The following ENKD1 variants were observed in gnomAD, a reference collection of about 807,000 sequenced individuals.
The protein encoded by ENKD1 is enkurin domain containing 1.
A neutral mutation model predicts 35.8 loss-of-function variants in ENKD1; 39 were observed. The observed-to-expected ratio is 1.09, with a 90% confidence interval of 0.84 to 1.42. The LOEUF is 1.42. Among genes scored for constraint, ENKD1 ranks in the 40% most tolerant of loss-of-function variants. The probability of loss-of-function intolerance (pLI) is 0.00; values close to 1 mark genes in which losing one functional copy is unlikely to be tolerated. For synonymous variants in ENKD1, 205 were observed against 198.6 expected, an observed-to-expected ratio of 1.03 and a Z score of -0.27; for missense variants, 474 against 471.3, an observed-to-expected ratio of 1.01 and a Z score of -0.05.
rs765080111 is a variant in ENKD1, at chr16:67,666,427, A to G, written c.16T>C (p.Ser6Pro). 4.0e-5 allele frequency: 62 copies of G among 1,539,734 alleles called. No individual in the cohort carries two copies. Among genetic ancestry groups the G allele is most frequent in the South Asian group, 3.1e-4 (26 of 84,396 alleles). Residue 6 changes from serine (S) to proline (P), a missense_variant, in exon 1 of 7, where the codon TCC becomes CCC. Transcript: ENST00000243878. MCEGP[S>P]RISGPIPPDP... The stretch of plus-strand genomic sequence containing the variant: ...GGGGGGATGGGCCCCGAGATGCGGG[A>G]CGGGCCCTCGCACATGCCGCCGGCG...
At chr16:67,664,530 A>C in intron 3 of ENKD1, 1 of 331,722 alleles carries the variant, frequency 3.0e-6, no homozygotes, top group Non-Finnish European at 5.8e-6. Flanking sequence ...CATTTGTGTG[A>C]CCTTGCCTTT....
At chr16:67,665,270 G>A in intron 2 of ENKD1, 102 bp from the exon 3 acceptor site, 1 of 1,370,234 alleles carries the variant, frequency 7.3e-7, no homozygotes, top group South Asian at 1.4e-5. Flanking sequence ...TACAGAAAGA[G>A]CTCCCTGACC....
Position 67,663,191 on chromosome 16 carries a change from C to T in ENKD1, c.1011G>A (p.Arg337=), listed in dbSNP as rs779581984. Residue 337 remains arginine, a synonymous_variant, in exon 7 of 7, where the codon CGG becomes CGA. Transcript: ENST00000243878. ...QVEEAIKIFS[R]PKVFVKMDD The stretch of plus-strand genomic sequence containing the variant: ...CGTCCATCTTCACGAAGACTTTGGG[C>T]CGAGAAAAGATCTTGATGGCCTCCT... The T allele has an allele frequency of 1.9e-6, 3 of 1,614,066 alleles. No homozygotes were observed. The highest frequency in any genetic ancestry group is 2.5e-6 in the Non-Finnish European group (3 of 1,180,032).
At chr16:67,665,317 C>T in intron 2 of ENKD1, 149 bp from the exon 3 acceptor site, 1 of 670,532 alleles carries the variant, frequency 1.5e-6, no homozygotes, top group Non-Finnish European at 2.4e-6. Context: ...CACTCTCCCT[C>T]ATCACCGTGT....
In ENKD1 at chr16:67,663,468, G is replaced by A. The variant is rs750759275; in HGVS notation, c.832C>T (p.Arg278Cys). 1.9e-5 allele frequency: 31 copies of A among 1,613,290 alleles called. No homozygotes were observed. Among genetic ancestry groups the A allele is most frequent in the Non-Finnish European group, 2.6e-5 (31 of 1,179,934 alleles). Residue 278 changes from arginine (R) to cysteine (C), a missense_variant, in exon 6 of 7, where the codon CGC (arginine) becomes TGC (cysteine). Physicochemically the swap from Arg to Cys is radical, Grantham distance 180. Transcript: ENST00000243878. ...PDPAMPPGHT[R>C]MPENQRLETL... ...TCCAGCCGCTGGTTCTCAGGCATGCGCGTGTGGCCTGGGGGCATGGCAGGG... is the reference window on the plus strand; with the variant it reads ...TCCAGCCGCTGGTTCTCAGGCATGCACGTGTGGCCTGGGGGCATGGCAGGG...
In ENKD1 at chr16:67,665,146, C is replaced by T; in HGVS notation, c.303G>A (p.Glu101=). 6.2e-7 allele frequency: 1 copy of T among 1,613,802 alleles called. No individual in the cohort carries two copies. The highest frequency in any genetic ancestry group is 8.5e-7 in the Non-Finnish European group (1 of 1,179,916). ...SLKRKDPKDH[E]KENLRRIREI... Reference sequence around the variant, plus strand: ...CCCTGATCCGCCTCAGGTTCTCCTTCTCATGGTCCTTAGGGTCCTTCCCTG... The same window carrying T: ...CCCTGATCCGCCTCAGGTTCTCCTTTTCATGGTCCTTAGGGTCCTTCCCTG... Residue 101 remains glutamate (E), a synonymous_variant, in exon 3 of 7, where the codon GAG becomes GAA. Coordinates refer to ENST00000243878, the MANE Select transcript of ENKD1 (RefSeq NM_032140.3).
intron 2 of ENKD1, 79 bp downstream of exon 2, chr16:67,665,991 AG>A: frequency 6.8e-7 from 1 of 1,468,834 alleles, no homozygotes; most frequent in Non-Finnish European, 9.3e-7. Flanking sequence ...GGCCCACGTC[AG>A]GGTGGAAAGA....
chr16:67,663,652 C>A lies in ENKD1; in HGVS notation c.743+5G>T. On this transcript the variant is annotated splice_donor_5th_base_variant and intron_variant, in intron 5 of 6. Coordinates refer to ENST00000243878, the MANE Select transcript of ENKD1 (RefSeq NM_032140.3). ...TCACCCTGAGTGTCGGGCAGTGAGA[C>A]CTACTAATGTGGCACATGGCCCTTC... 6.2e-7 allele frequency: 1 copy of A among 1,609,214 alleles called. No individual in the cohort carries two copies. The highest frequency in any genetic ancestry group is 8.5e-7 in the Non-Finnish European group (1 of 1,176,678).
At chr16:67,664,460 A>G in intron 3 of ENKD1, 1 of 361,524 alleles carries the variant, frequency 2.8e-6, no homozygotes. Flanking sequence ...CTGAATTTCC[A>G]TCTGCTTCCT....
chr16:67,665,263 A>C, intron 2 of ENKD1, 95 bp from the exon 3 acceptor site: 1 of 1,425,158 alleles, frequency 7.0e-7, no homozygotes, highest in Non-Finnish European at 9.4e-7. Flanking sequence ...TGCCTCCTAC[A>C]GAAAGAGCTC....
chr16:67,666,232 A>G lies in ENKD1; in HGVS notation c.119T>C (p.Leu40Pro). The part of the protein sequence containing the change: ...QGRLEGNALK[L>P]DLLTSDRALD... ...GGCCCGGTCGGAAGTCAGCAAGTCC[A>G]GCTTCAGCGCGTTTCCCTCGAGGCG... Residue 40 changes from leucine (L) to proline (P), a missense_variant, in exon 2 of 7, where the codon CTG (leucine) becomes CCG (proline). Coordinates refer to ENST00000243878, the MANE Select transcript of ENKD1 (RefSeq NM_032140.3). 6.2e-7 allele frequency: 1 copy of G among 1,606,946 alleles called. No homozygotes were observed. The highest frequency in any genetic ancestry group is 8.5e-7 in the Non-Finnish European group (1 of 1,176,348).
At chr16:67,664,750 G>A (rs1400601590) in intron 3 of ENKD1, among the ~76,000 whole-genome samples, 1 of 152,170 alleles carries the variant, frequency 6.6e-6, no homozygotes, top group Non-Finnish European at 1.5e-5. Context: ...CCTGTGGTCT[G>A]TGAGGTTCCA....
chr16:67,663,546 G>A lies in ENKD1; in HGVS notation c.754C>T (p.Arg252Cys), dbSNP rs748373274. The change falls in exon 6 of 7, where the codon CGC becomes TGC. Residue 252 changes from arginine to cysteine, a missense_variant. Physicochemically the swap from Arg to Cys is radical, Grantham distance 180. Coordinates refer to ENST00000243878, the MANE Select transcript of ENKD1 (RefSeq NM_032140.3). ...KGHVPHYLLERRDLWRREAEA... is the reference protein window; with the variant it reads ...KGHVPHYLLECRDLWRREAEA... ...GCCTCCCGCCGCCACAGGTCCCTGC[G>A]CTCCAACAAGCTGTGGGTACACAGG... 44 of 1,611,616 alleles carry A rather than the reference G, an allele frequency of 2.7e-5. 1 individual carries two copies. Among genetic ancestry groups the A allele is most frequent in the Middle Eastern group, 1.6e-4 (1 of 6,074 alleles).
rs2053063142 is a variant in ENKD1, at chr16:67,663,746, G to A, written c.654C>T (p.Cys218=). The A allele has an allele frequency of 1.9e-6, 3 of 1,612,164 alleles. No homozygotes were observed. Among genetic ancestry groups the A allele is most frequent in the South Asian group, 2.2e-5 (2 of 90,706 alleles). Residue 218 remains cysteine (C), a synonymous_variant, in exon 5 of 7, where the codon TGC becomes TGT. Coordinates refer to ENST00000243878, the MANE Select transcript of ENKD1 (RefSeq NM_032140.3). ...GCACTTGTGCCAGGACCTGCAGTGA[G>A]CAGGAATGCCTCCGGGGGGCTCTCT... ...AAKRAPRRHS[C]SLQVLAQVLE... is the part of the protein sequence containing the mutation.
intron 2 of ENKD1, 98 bp from the exon 3 acceptor site, chr16:67,665,266 A>G: frequency 7.1e-7 from 1 of 1,403,404 alleles, no homozygotes; most frequent in Non-Finnish European, 9.6e-7. Context: ...CTCCTACAGA[A>G]AGAGCTCCCT....
rs766029743 is a variant in ENKD1, at chr16:67,665,025, C to T, written c.424G>A (p.Val142Met). The stretch of plus-strand genomic sequence containing the variant: ...AGCTGGGCCTTGACCCGGGACTCCA[C>T]CTTGTCGTACTTGGGTGAGCGCCAC... ...ALWRSPKYDK[V>M]ESRVKAQLQE... Residue 142 changes from valine to methionine, a missense_variant, in exon 3 of 7, where the codon GTG (valine) becomes ATG (methionine). Transcript: ENST00000243878. 3.1e-5 allele frequency: 50 copies of T among 1,610,782 alleles called. No individual in the cohort carries two copies. The highest frequency in any genetic ancestry group is 4.1e-5 in the Non-Finnish European group (48 of 1,178,630).
At position 67,663,508 on chromosome 16, in the gene ENKD1, C is replaced by T. The variant is rs773668421; in HGVS notation, c.792G>A (p.Lys264=). The change falls in exon 6 of 7, where the codon AAG becomes AAA. Residue 264 remains lysine (K), a synonymous_variant. Transcript: ENST00000243878. Reference sequence around the variant, plus strand: ...GCATGGCAGGGTCCGGCTGGCTCTGCTTGCGGGCCTCGGCCTCCCGCCGCC... The same window carrying T: ...GCATGGCAGGGTCCGGCTGGCTCTGTTTGCGGGCCTCGGCCTCCCGCCGCC... ...DLWRREAEAR[K]QSQPDPAMPP... 2 of 1,612,358 alleles carry T rather than the reference C, an allele frequency of 1.2e-6. No homozygotes were observed. Among genetic ancestry groups the T allele is most frequent in the East Asian group, 4.5e-5 (2 of 44,880 alleles).
At position 67,663,884 on chromosome 16, in the gene ENKD1, C is replaced by T. The variant is rs955439345; in HGVS notation, c.579+53G>A. On this transcript the variant is annotated intron_variant, in intron 4 of 6. Transcript: ENST00000243878. ...TTATGTTGTGTCCCTGAACACCCCC[C>T]CCACACCAGGAGCCCTGCCCAACCA... 4 of 1,604,218 alleles carry T rather than the reference C, an allele frequency of 2.5e-6. No homozygotes were observed. In the South Asian group the frequency reaches 3.4e-5, roughly 13 times the overall value.
Position 67,666,650 on chromosome 16 carries a change from G to T in ENKD1, c.-208C>A, listed in dbSNP as rs1179893553. On this transcript the variant is annotated 5_prime_UTR_variant, in exon 1 of 7. Coordinates refer to ENST00000243878, the MANE Select transcript of ENKD1 (RefSeq NM_032140.3). The stretch of plus-strand genomic sequence containing the variant: ...ACCTCTGCTCCCAGCCCACTTCTCG[G>T]TCCCGCTCGCGGCCTCTCCCCCGCG... The T allele has an allele frequency of 1.9e-6, 1 of 518,782 alleles. No individual in the cohort carries two copies. The highest frequency in any genetic ancestry group is 2.0e-5 in the African/African-American group (1 of 49,288). 32.1% of individuals were successfully genotyped at this position (518,782 alleles called of 1,614,324 possible). A position where few individuals can be genotyped will look rare whatever the true frequency, so the allele number is the denominator to read the frequency against.
Sources: gnomAD v4.1 joint callset for allele counts (sites outside exome capture counted in the v4.1 genomes callset) on GRCh38, gnomAD v4.1.1 for gene constraint, MANE v1.5 for transcripts, NCBI Gene and HGNC (gene_info 2026-07-23, HGNC 2026-07-21) for gene names.